The following ALPK1 variants were observed in gnomAD, a reference collection of about 807,000 sequenced individuals.
The protein encoded by ALPK1 is alpha-protein kinase 1.
Under a neutral mutation model 120.6 loss-of-function variants are expected in ALPK1, and 110 were observed. The ratio of observed to expected loss-of-function variants is 0.91; its 90% confidence interval spans 0.78 to 1.07. The LOEUF (loss-of-function observed/expected upper bound fraction) is 1.07, where lower values mean the gene tolerates loss of function less well. Among genes scored for constraint, ALPK1 ranks in the 50% least tolerant of loss-of-function variants. The pLI is 0.00. For missense variants in ALPK1, 1,498 were observed against 1,483.9 expected, an observed-to-expected ratio of 1.01 and a Z score of -0.16; for synonymous variants, 582 against 560.3, an observed-to-expected ratio of 1.04 and a Z score of -0.55.
At chr4:112,395,839 G>A in intron 4 of ALPK1, among the ~76,000 whole-genome samples, 3 of 121,168 alleles carry the variant, frequency 2.5e-5, no homozygotes, top group Middle Eastern at 0.01. Context: ...GGTCAGCTAT[G>A]ATTACAAATT....
intron 2 of ALPK1, among the ~76,000 whole-genome samples, chr4:112,324,156 T>C (rs1728994060): frequency 6.6e-6 from 1 of 151,964 alleles, no homozygotes; most frequent in Admixed American, 6.6e-5. Flanking sequence ...TGAAACCCCG[T>C]CTCTACTAAA....
chr4:112,401,165 A>G (rs1732897147), intron 4 of ALPK1, among the ~76,000 whole-genome samples: 1 of 152,234 alleles, frequency 6.6e-6, no homozygotes, highest in Admixed American at 6.5e-5. Context: ...TTTCTCTAAC[A>G]GTAAGCATAG....
At chr4:112,423,697 CA>C in intron 5 of ALPK1, 1 of 628,788 alleles carries the variant, frequency 1.6e-6, no homozygotes, top group Non-Finnish European at 3.0e-6. Context: ...TGAATTATCA[CA>C]TACATATGAA....
At chr4:112,320,577 T>C (rs1220437750) in intron 2 of ALPK1, among the ~76,000 whole-genome samples, 2 of 152,152 alleles carry the variant, frequency 1.3e-5, no homozygotes, top group African/African-American at 4.8e-5. Context: ...TTAGGGAGGA[T>C]TCTTTCTTTA....
chr4:112,297,381 CAG>C lies in ALPK1; in HGVS notation c.-240_-239del, dbSNP rs1727583834. On this transcript the variant is annotated 5_prime_UTR_variant, in exon 1 of 16. It introduces an in-frame stop codon into an upstream open reading frame of the 5' UTR. Transcript: ENST00000650871. The stretch of plus-strand genomic sequence containing the variant: ...TGAAACTGAAGCCGTTTATGAGAAA[CAG>C]TGTGTTTCAGAGAGGCTGTACCAGA... The C allele has an allele frequency of 1.3e-5, 2 of 150,466 alleles. No homozygotes were observed. Among genetic ancestry groups the C allele is most frequent in the African/African-American group, 4.9e-5 (2 of 40,706 alleles). The allele number at this position is 150,466 out of a possible 1,614,324, so 9.3% of individuals were successfully genotyped here.
chr4:112,438,692 T>G, intron 13 of ALPK1, 46 bp downstream of exon 13: 2 of 1,582,122 alleles, frequency 1.3e-6, no homozygotes, highest in Non-Finnish European at 1.7e-6. Context: ...AAATCACACT[T>G]GAATATCAAT....
At chr4:112,393,945 TATA>T (rs1335964186) in intron 4 of ALPK1, among the ~76,000 whole-genome samples, 10 of 142,496 alleles carry the variant, frequency 7.0e-5, no homozygotes, top group African/African-American at 2.7e-4. Context: ...TATATATATA[TATA>T]CTGTATATAT....
At chr4:112,308,606 T>C (rs947986595) in intron 1 of ALPK1, among the ~76,000 whole-genome samples, 6 of 152,132 alleles carry the variant, frequency 3.9e-5, no homozygotes, top group Admixed American at 6.5e-5. Context: ...CATCAGGTCA[T>C]TTAAGGACTT....
In ALPK1 at chr4:112,356,765, C is replaced by T. The variant is rs11942040; in HGVS notation, c.-100-20913C>T. On this transcript the variant is annotated intron_variant, in intron 2 of 15. Coordinates refer to ENST00000650871, the MANE Select transcript of ALPK1 (RefSeq NM_025144.4). The stretch of plus-strand genomic sequence containing the variant: ...CGGAGTATGCCCTTATTACCTGTCC[C>T]GGAACCTGAAGCAGCAAGCCGACAT... The T allele has an allele frequency of 2.3e-3, 1,730 of 764,282 alleles. 19 individuals carry two copies. The African/African-American group carries it at 0.023, about 10-fold the overall frequency. The allele number at this position is 764,282 out of a possible 1,614,324, so 47.3% of individuals were successfully genotyped here. A position where few individuals can be genotyped will look rare whatever the true frequency, so the allele number is the denominator to read the frequency against.
At chr4:112,314,593 G>A (rs1296410612) in intron 1 of ALPK1, among the ~76,000 whole-genome samples, 2 of 152,138 alleles carry the variant, frequency 1.3e-5, no homozygotes, top group Non-Finnish European at 2.9e-5. Context: ...AAATATCGAA[G>A]AATAAGAGTG....
intron 2 of ALPK1, chr4:112,343,088 A>G (rs1729934591): frequency 6.6e-6 from 1 of 152,344 alleles, no homozygotes; most frequent in Non-Finnish European, 1.5e-5. Flanking sequence ...GAGGGGCCAG[A>G]GAGGAATCTT....
rs78260597 is a variant in ALPK1 at position 112,328,235 on chromosome 4, G to A, written c.-101+12383G>A. 1.3e-4 allele frequency among the ~76,000 whole-genome samples: 20 copies of A among 152,332 alleles called. No homozygotes were observed. In the East Asian group the frequency reaches 3.9e-3, roughly 29 times the overall value. ...TCTGTCTGTGGGCAAGAGCCCACTC[G>A]CGGTCATGCCCACTGTTGTGGGACT... is the stretch of plus-strand genomic sequence containing the variant. On this transcript the variant is annotated intron_variant, in intron 2 of 15. Transcript: ENST00000650871.
chr4:112,332,456 T>C lies in ALPK1; in HGVS notation c.-101+16604T>C, dbSNP rs572251647. Among the ~76,000 whole-genome samples the C allele has an allele frequency of 3.9e-5, 6 of 152,364 alleles. No homozygotes were observed. In the East Asian group the frequency reaches 9.6e-4, roughly 24 times the overall value. ...AATTTTTCTCTTATCCTTAGTCACA[T>C]ATATGTCTTGCCAAGGCATTTTGTG... On this transcript the variant is annotated intron_variant, in intron 2 of 15. Transcript: ENST00000650871.
At chr4:112,349,369 G>A (rs1457966825) in intron 2 of ALPK1, among the ~76,000 whole-genome samples, 1 of 152,174 alleles carries the variant, frequency 6.6e-6, no homozygotes, top group Non-Finnish European at 1.5e-5. Flanking sequence ...TAAACTAGGA[G>A]AGATTGGATA....
chr4:112,353,514 TAACTA>T (rs1730456944), intron 2 of ALPK1, among the ~76,000 whole-genome samples: 1 of 152,196 alleles, frequency 6.6e-6, no homozygotes, highest in Non-Finnish European at 1.5e-5. Context: ...TGACTTGGAG[TAACTA>T]ACACTGACTG....
At chr4:112,378,768 G>A (rs1447169646) in intron 3 of ALPK1, among the ~76,000 whole-genome samples, 4 of 152,144 alleles carry the variant, frequency 2.6e-5, no homozygotes, top group African/African-American at 7.2e-5. Flanking sequence ...ATTATGTAAT[G>A]GGAAAATGTT....
Position 112,431,931 on chromosome 4 carries a change from CT to C in ALPK1, c.2385del (p.Glu796LysfsTer5), listed in dbSNP as rs1560687361. 6.2e-7 allele frequency: 1 copy of C among 1,614,092 alleles called. No homozygotes were observed. Among genetic ancestry groups the C allele is most frequent in the Admixed American group, 1.7e-5 (1 of 60,034 alleles). ...CCAGAAGGAGAAACAGCAGAAAGCA[CT>C]GAAGATGCACCCTTAGACTTTCACA... ...VDPEGETAES[T>X]EDAPLDFHRV... is the part of the protein sequence containing the mutation. On this transcript the variant is annotated frameshift_variant, in exon 11 of 16. Coordinates refer to ENST00000650871, the MANE Select transcript of ALPK1 (RefSeq NM_025144.4). LOFTEE classifies it high-confidence loss of function.
In ALPK1 at chr4:112,360,640, C is replaced by T. The variant is rs545243122; in HGVS notation, c.-100-17038C>T. 5.4e-4 allele frequency among the ~76,000 whole-genome samples: 83 copies of T among 152,300 alleles called. 1 individual carries two copies. The highest frequency in any genetic ancestry group is 1.8e-3 in the African/African-American group (73 of 41,576). The stretch of plus-strand genomic sequence containing the variant: ...TTTTTTGCTGATTAGTTCTGCTTGA[C>T]GCTCAAGCCCTTGATAGTGATCTTT... On this transcript the variant is annotated intron_variant, in intron 2 of 15. Transcript: ENST00000650871.
chr4:112,341,279 G>A (rs1729851774), intron 2 of ALPK1, among the ~76,000 whole-genome samples: 1 of 152,182 alleles, frequency 6.6e-6, no homozygotes, highest in Non-Finnish European at 1.5e-5. Flanking sequence ...TTGTGTGTGG[G>A]GGCTGCATGG....
Sources: allele counts gnomAD v4.1 joint callset (sites outside exome capture counted in the v4.1 genomes callset), GRCh38; gene constraint gnomAD v4.1.1; transcripts MANE v1.5; gene names NCBI Gene and HGNC (gene_info 2026-07-23, HGNC 2026-07-21).